The following MECOM variants were observed in gnomAD, a reference collection of about 807,000 sequenced individuals.
MECOM encodes the protein histone-lysine N-methyltransferase MECOM.
Under a neutral mutation model 116.3 loss-of-function variants are expected in MECOM, and 13 were observed. That is an observed-to-expected ratio of 0.11 (90% CI 0.07 to 0.18). The LOEUF (loss-of-function observed/expected upper bound fraction) is 0.18. Among genes scored for constraint, MECOM ranks in the 10% least tolerant of loss-of-function variants. MECOM has a pLI of 1.00. For missense variants in MECOM, 1,299 were observed against 1,509.0 expected, an observed-to-expected ratio of 0.86 and a Z score of 2.31; for synonymous variants, 528 against 535.2, an observed-to-expected ratio of 0.99 and a Z score of 0.19.
chr3:169,607,833 C>T (rs2111557), intron 1 of MECOM, among the ~76,000 whole-genome samples: 73,960 of 152,100 alleles, frequency 0.49, 18,130 homozygotes, highest in East Asian at 0.59. Flanking sequence ...TTTGCGTAAG[C>T]GCTTTCAAGA....
At chr3:169,171,522 A>T (rs1216678723) in intron 2 of MECOM, among the ~76,000 whole-genome samples, 2 of 152,176 alleles carry the variant, frequency 1.3e-5, no homozygotes, top group Non-Finnish European at 2.9e-5. Context: ...TTTATACCAT[A>T]GCTATTGTAA....
intron 2 of MECOM, among the ~76,000 whole-genome samples, chr3:169,239,106 T>C (rs1272938261): frequency 5.3e-5 from 8 of 152,126 alleles, no homozygotes; most frequent in African/African-American, 1.9e-4. Flanking sequence ...AAAGTAAATT[T>C]TAAATTAATC....
intron 1 of MECOM, among the ~76,000 whole-genome samples, chr3:169,617,884 C>G (rs1770216011): frequency 6.6e-6 from 1 of 152,172 alleles, no homozygotes; most frequent in South Asian, 2.1e-4. Context: ...TTGACCAGCC[C>G]TGGGACACTT....
intron 1 of MECOM, among the ~76,000 whole-genome samples, chr3:169,644,360 G>A (rs370337881): frequency 9.2e-5 from 14 of 152,082 alleles, no homozygotes; most frequent in African/African-American, 2.9e-4. Flanking sequence ...GGATTCAAGC[G>A]ATTCTCTTTC....
chr3:169,661,260 T>C (rs1776243782), intron 1 of MECOM, among the ~76,000 whole-genome samples: 1 of 151,872 alleles, frequency 6.6e-6, no homozygotes, highest in Admixed American at 6.6e-5. Flanking sequence ...TAGGCATGGT[T>C]GAAAAGGGCT....
chr3:169,121,798 GA>G (rs1233161479), intron 6 of MECOM, among the ~76,000 whole-genome samples: 2 of 150,412 alleles, frequency 1.3e-5, no homozygotes. Flanking sequence ...ATTTTTATGA[GA>G]AAAAAACATA....
Position 169,122,602 on chromosome 3 carries a change from T to C in MECOM, c.956A>G (p.Tyr319Cys). 5 of 1,614,050 alleles carry C rather than the reference T, an allele frequency of 3.1e-6. No homozygotes were observed. The highest frequency in any genetic ancestry group is 1.1e-5 in the South Asian group (1 of 91,074). The change falls in exon 6 of 17, where the codon TAT (tyrosine) becomes TGT (cysteine). Residue 319 changes from tyrosine (Y) to cysteine (C), a missense_variant. Physicochemically the swap from Tyr to Cys is radical, Grantham distance 194. Transcript: ENST00000651503. Reference protein sequence around the residue: ...HQMSHDSGKHYECENCAKVFT... With the variant: ...HQMSHDSGKHCECENCAKVFT... ...TACCTTGGCACAGTTTTCACATTCA[T>C]AGTGCTTTCCACTGTCATGTGACAT...
At chr3:169,157,922 A>G (rs1226413790) in intron 2 of MECOM, among the ~76,000 whole-genome samples, 3 of 152,230 alleles carry the variant, frequency 2.0e-5, no homozygotes, top group Non-Finnish European at 2.9e-5. Flanking sequence ...CAATTTATAA[A>G]TAAACCATAG....
At chr3:169,486,104 A>G (rs1752357109) in intron 1 of MECOM, among the ~76,000 whole-genome samples, 1 of 146,280 alleles carries the variant, frequency 6.8e-6, no homozygotes, top group South Asian at 2.1e-4. Flanking sequence ...GTGTGGAAAT[A>G]TGAAGAGCCC....
chr3:169,271,990 C>CA (rs1175873319), intron 2 of MECOM, among the ~76,000 whole-genome samples: 1 of 152,162 alleles, frequency 6.6e-6, no homozygotes, highest in Non-Finnish European at 1.5e-5. Context: ...TATTTCTGTT[C>CA]ACCACACATT....
chr3:169,464,097 CG>C (rs1247048470), intron 1 of MECOM: 3 of 152,112 alleles, frequency 2.0e-5, no homozygotes, highest in Non-Finnish European at 4.4e-5. Flanking sequence ...AACAGCACAA[CG>C]GATGTCAGAG....
chr3:169,634,777 G>A lies in MECOM; in HGVS notation c.37+28559C>T, dbSNP rs564391646. ...TAAATTACTCTTAAATCACTCCTCT[G>A]TACTAGACACACCCAGCTCTTGGCA... On this transcript the variant is annotated intron_variant, in intron 1 of 16. Coordinates refer to ENST00000651503, the MANE Select transcript of MECOM (RefSeq NM_004991.4). 2.4e-4 allele frequency among the ~76,000 whole-genome samples: 37 copies of A among 152,080 alleles called. No homozygotes were observed. The South Asian group carries it at 7.7e-3, about 32-fold the overall frequency.
At chr3:169,179,611 T>G (rs534118866) in intron 2 of MECOM, among the ~76,000 whole-genome samples, 1 of 152,246 alleles carries the variant, frequency 6.6e-6, no homozygotes, top group Non-Finnish European at 1.5e-5. Context: ...GCCATCTCAA[T>G]ATCATGCCAC....
At chr3:169,281,865 A>G (rs752807584) in intron 2 of MECOM, among the ~76,000 whole-genome samples, 12 of 152,152 alleles carry the variant, frequency 7.9e-5, no homozygotes, top group Non-Finnish European at 1.6e-4. Context: ...TGGAAGTGGT[A>G]AAAGGAATGC....
At chr3:169,572,824 G>T (rs1028213892) in intron 1 of MECOM, among the ~76,000 whole-genome samples, 1 of 151,892 alleles carries the variant, frequency 6.6e-6, no homozygotes, top group African/African-American at 2.4e-5. Context: ...ACCGGGGCCT[G>T]TTGGGGGTTG....
At chr3:169,204,831 C>T (rs1214320436) in intron 2 of MECOM, among the ~76,000 whole-genome samples, 1 of 152,192 alleles carries the variant, frequency 6.6e-6, no homozygotes, top group South Asian at 2.1e-4. Flanking sequence ...AATCTGTAAC[C>T]TCAACAGACA....
chr3:169,094,484 A>G (rs934779183), intron 13 of MECOM, among the ~76,000 whole-genome samples: 26 of 152,226 alleles, frequency 1.7e-4, no homozygotes, highest in Admixed American at 1.2e-3. Context: ...CCCAGTTAAG[A>G]AAAGTCTAGT....
chr3:169,127,916 T>G lies in MECOM; in HGVS notation c.758A>C (p.Glu253Ala). ...CGTGTGTATCTCTTGGAGATCATTCTCGCTTTCGAGTTTTTGCTGAAAGTC... is the reference window on the plus strand; with the variant it reads ...CGTGTGTATCTCTTGGAGATCATTCGCGCTTTCGAGTTTTTGCTGAAAGTC... ...EEDFQQKLES[E>A]NDLQEIHTIQ... is the part of the protein sequence containing the mutation. Residue 253 changes from glutamate to alanine, a missense_variant, in exon 5 of 17, where the codon GAG becomes GCG. By Grantham distance (107) the Glu-to-Ala change is moderately radical (BLOSUM62 -1). This residue lies in a region of MECOM where 374 missense variants were observed against 433.4 expected (regional missense o/e 0.86). Coordinates refer to ENST00000651503, the MANE Select transcript of MECOM (RefSeq NM_004991.4). 6.2e-7 allele frequency: 1 copy of G among 1,614,114 alleles called. No individual in the cohort carries two copies. The highest frequency in any genetic ancestry group is 8.5e-7 in the Non-Finnish European group (1 of 1,179,942).
At chr3:169,581,383 C>G (rs2109538819) in intron 1 of MECOM, among the ~76,000 whole-genome samples, 1 of 152,258 alleles carries the variant, frequency 6.6e-6, no homozygotes, top group South Asian at 2.1e-4. Flanking sequence ...CCATCAAACC[C>G]TACCTAATGG....
Sources: gnomAD v4.1 joint callset for allele counts (sites outside exome capture counted in the v4.1 genomes callset) on GRCh38, gnomAD v4.1.1 for gene constraint, gnomAD v4.1.1 regional missense constraint, MANE v1.5 for transcripts, NCBI Gene and HGNC (gene_info 2026-07-23, HGNC 2026-07-21) for gene names.